Variants in CCR3 observed in about 807,000 individuals in gnomAD.
The protein encoded by CCR3 is C-C motif chemokine receptor 3.
For synonymous variants in CCR3, 203 were observed against 179.2 expected, an observed-to-expected ratio of 1.13 and a Z score of -1.06; for missense variants, 419 against 437.5, an observed-to-expected ratio of 0.96 and a Z score of 0.38.
At chr3:46,242,670 A>G (rs1700105211) in intron 1 of CCR3, 132 bp downstream of exon 1, 1 of 151,962 alleles carries the variant, frequency 6.6e-6, no homozygotes, top group Non-Finnish European at 1.5e-5. Flanking sequence ...TAGAGGTAGT[A>G]TGGGGCCAGA....
chr3:46,236,743 G>A (rs938985774), intron 2 of CCR3, among the ~76,000 whole-genome samples: 12 of 152,220 alleles, frequency 7.9e-5, no homozygotes, highest in African/African-American at 1.4e-4. Flanking sequence ...ACCCTAGTGG[G>A]AAGAGAGGCA....
At chr3:46,258,112 A>G (rs1483740713) in intron 1 of CCR3, among the ~76,000 whole-genome samples, 3 of 152,244 alleles carry the variant, frequency 2.0e-5, no homozygotes, top group Admixed American at 6.5e-5. Flanking sequence ...CTCACACAGT[A>G]ATCTCTGGAA....
chr3:46,221,434 G>A (rs1699835558), intron 2 of CCR3, among the ~76,000 whole-genome samples: 1 of 152,192 alleles, frequency 6.6e-6, no homozygotes, highest in Non-Finnish European at 1.5e-5. Flanking sequence ...AGCAGCTGGG[G>A]CCTGATTCCC....
At chr3:46,219,266 A>T (rs1200319977) in intron 2 of CCR3, among the ~76,000 whole-genome samples, 1 of 152,180 alleles carries the variant, frequency 6.6e-6, no homozygotes, top group Non-Finnish European at 1.5e-5. Flanking sequence ...ACTTAGGAAT[A>T]TACCTAATCA....
chr3:46,245,683 A>ACTTGTTTT (rs1187199087), intron 1 of CCR3, among the ~76,000 whole-genome samples: 3 of 152,038 alleles, frequency 2.0e-5, no homozygotes, highest in Non-Finnish European at 4.4e-5. Flanking sequence ...AGTAGCCAAT[A>ACTTGTTTT]CTTGTTTTTC....
chr3:46,264,165 C>T (rs184368867), intron 1 of CCR3: 1 of 479,598 alleles, frequency 2.1e-6, no homozygotes, highest in East Asian at 4.3e-5. Context: ...AATATCAAGT[C>T]CAGTGAGAAA....
intron 2 of CCR3, among the ~76,000 whole-genome samples, chr3:46,232,765 C>T (rs375274206): frequency 6.6e-6 from 1 of 152,288 alleles, no homozygotes; most frequent in African/African-American, 2.4e-5. Context: ...CCACCTCCCC[C>T]AATAGCACAG....
chr3:46,242,771 C>T (rs1700106358), intron 1 of CCR3, among the ~76,000 whole-genome samples: 2 of 151,558 alleles, frequency 1.3e-5, no homozygotes, highest in South Asian at 2.1e-4. Flanking sequence ...GATAAGTTTG[C>T]GTGTAGCACT....
rs928764258 is a variant in CCR3, at chr3:46,258,713, C to T, written c.-11-6435C>T. 1.5e-4 allele frequency among the ~76,000 whole-genome samples: 23 copies of T among 152,226 alleles called. 1 individual carries two copies. In the Middle Eastern group the frequency reaches 0.01, roughly 68 times the overall value. On this transcript the variant is annotated intron_variant, in intron 1 of 1. Transcript: ENST00000395940. Reference sequence around the variant, plus strand: ...TCATATAGTTTTGGTTTTCAATCCTCACGGAGATCAACTGTTGAGTTAGTG... The same window carrying T: ...TCATATAGTTTTGGTTTTCAATCCTTACGGAGATCAACTGTTGAGTTAGTG...
At chr3:46,263,171 G>A (rs985963217) in intron 1 of CCR3, among the ~76,000 whole-genome samples, 2 of 152,172 alleles carry the variant, frequency 1.3e-5, no homozygotes, top group Non-Finnish European at 2.9e-5. Context: ...CCCTCAAACT[G>A]AGCAAAACTT....
intron 1 of CCR3, among the ~76,000 whole-genome samples, chr3:46,249,858 G>C (rs1284085714): frequency 6.9e-6 from 1 of 144,500 alleles, no homozygotes; most frequent in East Asian, 1.9e-4. Flanking sequence ...TCACAGTGGA[G>C]GCAGGGAATT....
chr3:46,250,353 A>C, intron 1 of CCR3, among the ~76,000 whole-genome samples: 1 of 152,102 alleles, frequency 6.6e-6, no homozygotes, highest in East Asian at 1.9e-4. Flanking sequence ...GGGAGAGGTC[A>C]GATGGGTCTG....
intron 2 of CCR3, among the ~76,000 whole-genome samples, chr3:46,228,179 T>G (rs1197470663): frequency 1.3e-5 from 2 of 151,094 alleles, no homozygotes; most frequent in African/African-American, 4.9e-5. Context: ...TTTTTCTTCC[T>G]CACAGTCCCA....
chr3:46,250,357 G>A (rs1467413802), intron 1 of CCR3, among the ~76,000 whole-genome samples: 4 of 152,102 alleles, frequency 2.6e-5, no homozygotes, highest in Admixed American at 2.6e-4. Flanking sequence ...GAGGTCAGAT[G>A]GGTCTGTAGA....
At chr3:46,254,279 G>A (rs1210579212) in intron 1 of CCR3, among the ~76,000 whole-genome samples, 1 of 152,148 alleles carries the variant, frequency 6.6e-6, no homozygotes, top group East Asian at 1.9e-4. Context: ...AATTGAGAAA[G>A]GGGAGAATAA....
upstream of CCR3, among the ~76,000 whole-genome samples, chr3:46,241,943 G>T (rs895141621): frequency 1.3e-5 from 2 of 152,022 alleles, no homozygotes; most frequent in Non-Finnish European, 2.9e-5. Flanking sequence ...GACCAGCCTG[G>T]CCAACATGGT....
intron 1 of CCR3, among the ~76,000 whole-genome samples, chr3:46,261,465 T>C (rs1054183975): frequency 1.3e-5 from 2 of 152,246 alleles, no homozygotes; most frequent in South Asian, 4.1e-4. Flanking sequence ...ATTCAACACA[T>C]AGTGTTTTAA....
chr3:46,238,627 T>C (rs564355023), upstream of CCR3, among the ~76,000 whole-genome samples: 4 of 152,292 alleles, frequency 2.6e-5, no homozygotes, highest in African/African-American at 9.6e-5. Context: ...AATACCTTTA[T>C]TAGTGCGTGG....
At chr3:46,212,047 G>A (rs1354495399) in intron 2 of CCR3, among the ~76,000 whole-genome samples, 1 of 152,066 alleles carries the variant, frequency 6.6e-6, no homozygotes, top group Non-Finnish European at 1.5e-5. Flanking sequence ...TGCCTTTCAT[G>A]ACCTGCACAC....
Sources: gnomAD v4.1 joint callset for allele counts (sites outside exome capture counted in the v4.1 genomes callset) on GRCh38, gnomAD v4.1.1 for gene constraint, MANE v1.5 for transcripts, NCBI Gene and HGNC (gene_info 2026-07-23, HGNC 2026-07-21) for gene names.